Variants in DOCK3 observed in about 807,000 individuals in gnomAD.
The protein encoded by DOCK3 is dedicator of cytokinesis 3, also known as dedicator of cytokinesis protein 3.
Under a neutral mutation model 265.6 loss-of-function variants are expected in DOCK3, and 60 were observed. That is an observed-to-expected ratio of 0.23 (90% CI 0.18 to 0.28). The LOEUF (loss-of-function observed/expected upper bound fraction) is 0.28, where lower values mean the gene tolerates loss of function less well. DOCK3 is among the 10% of genes least tolerant of loss of function. DOCK3 has a pLI of 1.00. For missense variants in DOCK3, 1,981 were observed against 2,594.3 expected (o/e 0.76, Z 5.14); for synonymous variants, 881 against 938.0 (o/e 0.94, Z 1.11).
intron 1 of DOCK3, among the ~76,000 whole-genome samples, chr3:50,739,234 A>ATGTATCTGTGGTATG (rs2038852517): frequency 6.6e-6 from 1 of 152,210 alleles, no homozygotes. Flanking sequence ...TACCACAGAT[A>ATGTATCTGTGGTATG]CATACCCAGG....
At chr3:50,952,443 A>C (rs1482856387) in intron 5 of DOCK3, among the ~76,000 whole-genome samples, 1 of 152,332 alleles carries the variant, frequency 6.6e-6, no homozygotes, top group East Asian at 1.9e-4. Flanking sequence ...TTTCAAAGAA[A>C]GTAAATGTCT....
At chr3:51,075,997 T>C (rs1432666099) in intron 7 of DOCK3, among the ~76,000 whole-genome samples, 4 of 152,190 alleles carry the variant, frequency 2.6e-5, no homozygotes, top group Non-Finnish European at 5.9e-5. Context: ...GTGACAGTTA[T>C]GCTTAGACTA....
intron 40 of DOCK3, 77 bp downstream of exon 40, chr3:51,350,469 C>G: frequency 6.7e-7 from 1 of 1,491,234 alleles, no homozygotes. Flanking sequence ...CTTTTCTTCC[C>G]CTTTTTGCCT....
At chr3:51,356,693 T>C (rs1044819273) in intron 43 of DOCK3, among the ~76,000 whole-genome samples, 200 bp downstream of exon 43, 2 of 152,182 alleles carry the variant, frequency 1.3e-5, no homozygotes, top group African/African-American at 4.8e-5. Context: ...GCAGGTATTT[T>C]CAACCTCCTA....
intron 3 of DOCK3, among the ~76,000 whole-genome samples, chr3:50,884,391 G>A (rs1420293162): frequency 6.6e-6 from 1 of 152,092 alleles, no homozygotes; most frequent in East Asian, 1.9e-4. Context: ...ATGCCTGGCT[G>A]GATATATACC....
At chr3:50,859,523 G>T (rs1229392112) in intron 3 of DOCK3, among the ~76,000 whole-genome samples, 2 of 151,856 alleles carry the variant, frequency 1.3e-5, no homozygotes, top group East Asian at 1.9e-4. Flanking sequence ...GCCCGGTGTG[G>T]TTTTTTTGTA....
rs540062403 is a variant in DOCK3, at chr3:50,891,051, T to C, written c.218+970T>C. ...GAATATCAAATAGCTACTGTTGGTA[T>C]GTATAAAGAAGGTGGTAATGAGGCT... is the stretch of plus-strand genomic sequence containing the variant. On this transcript the variant is annotated intron_variant, in intron 4 of 52. Coordinates refer to ENST00000266037, the MANE Select transcript of DOCK3 (RefSeq NM_004947.5). Among the ~76,000 whole-genome samples, 11 of 152,182 alleles carry C rather than the reference T, an allele frequency of 7.2e-5. No individual in the cohort carries two copies. In the East Asian group the frequency reaches 1.9e-3, roughly 27 times the overall value.
At chr3:50,706,394 T>C (rs903865304) in intron 1 of DOCK3, among the ~76,000 whole-genome samples, 23 of 152,234 alleles carry the variant, frequency 1.5e-4, no homozygotes, top group African/African-American at 5.1e-4. Flanking sequence ...GGTTTTTTCT[T>C]TCAGTACTTT....
intron 4 of DOCK3, among the ~76,000 whole-genome samples, chr3:50,927,604 A>C (rs760496144): frequency 2.0e-5 from 3 of 152,214 alleles, no homozygotes; most frequent in Non-Finnish European, 4.4e-5. Flanking sequence ...GGAAATTTTA[A>C]AAAAGGCTAC....
chr3:50,958,595 C>T (rs1420614530), intron 5 of DOCK3, among the ~76,000 whole-genome samples: 1 of 152,166 alleles, frequency 6.6e-6, no homozygotes, highest in Non-Finnish European at 1.5e-5. Flanking sequence ...CAGTGCTGAG[C>T]ATAACAGAAG....
intron 2 of DOCK3, among the ~76,000 whole-genome samples, chr3:50,839,830 A>C (rs2045732127): frequency 6.8e-6 from 1 of 146,940 alleles, no homozygotes; most frequent in Non-Finnish European, 1.5e-5. Flanking sequence ...GTGCAGTGGC[A>C]CCATCTCAGC....
intron 2 of DOCK3, among the ~76,000 whole-genome samples, chr3:50,788,688 CGGCTGCTGGCCACAGTGCT>C (rs1158182085): frequency 6.6e-6 from 1 of 152,076 alleles, no homozygotes; most frequent in Non-Finnish European, 1.5e-5. Context: ...GACCTGGCCT[CGGCTGCTGGCCACAGTGCT>C]ATGTGGCCAC....
rs573148952 is a variant in DOCK3 at position 51,065,905 on chromosome 3, C to T, written c.464+1309C>T. ...GAGAGAGACCAAGATTAACAAAACA[C>T]CTGTACACAAAGAAAGTAACCTGTC... is the stretch of plus-strand genomic sequence containing the variant. On this transcript the variant is annotated intron_variant, in intron 6 of 52. Coordinates refer to ENST00000266037, the MANE Select transcript of DOCK3 (RefSeq NM_004947.5). 3.3e-5 allele frequency among the ~76,000 whole-genome samples: 5 copies of T among 152,204 alleles called. No homozygotes were observed. In the East Asian group the frequency reaches 9.7e-4, roughly 29 times the overall value.
At chr3:51,363,801 A>G (rs1302290303) in intron 49 of DOCK3, among the ~76,000 whole-genome samples, 11 of 152,206 alleles carry the variant, frequency 7.2e-5, no homozygotes. Context: ...CCATATCCCT[A>G]CAAAGGACAT....
chr3:50,880,131 A>C (rs1376897524), intron 3 of DOCK3, among the ~76,000 whole-genome samples: 2 of 152,234 alleles, frequency 1.3e-5, no homozygotes, highest in Non-Finnish European at 2.9e-5. Context: ...CATTTAAAGC[A>C]GTGTGTAGAG....
intron 4 of DOCK3, among the ~76,000 whole-genome samples, chr3:50,911,119 C>T (rs2049830968): frequency 6.6e-6 from 1 of 151,934 alleles, no homozygotes; most frequent in Non-Finnish European, 1.5e-5. Flanking sequence ...TGTCTTTTCA[C>T]TTTCTTGATT....
intron 4 of DOCK3, among the ~76,000 whole-genome samples, chr3:50,931,721 T>C (rs937211180): frequency 4.6e-5 from 7 of 152,230 alleles, no homozygotes; most frequent in Admixed American, 6.5e-5. Flanking sequence ...GCCATGCTGA[T>C]CACCACAATA....
At chr3:51,363,663 T>C (rs145641764) in intron 49 of DOCK3, among the ~76,000 whole-genome samples, 2 of 152,266 alleles carry the variant, frequency 1.3e-5, no homozygotes, top group African/African-American at 4.8e-5. Context: ...CAGGCCCCAG[T>C]GTGTGATGTT....
chr3:50,676,910 A>C (rs577484245), intron 1 of DOCK3, among the ~76,000 whole-genome samples: 1 of 152,328 alleles, frequency 6.6e-6, no homozygotes, highest in South Asian at 2.1e-4. Flanking sequence ...AATGCTTAAT[A>C]GTTTCTTCTT....
Sources: gnomAD v4.1 joint callset for allele counts (sites outside exome capture counted in the v4.1 genomes callset) on GRCh38, gnomAD v4.1.1 for gene constraint, MANE v1.5 for transcripts, NCBI Gene and HGNC (gene_info 2026-07-23, HGNC 2026-07-21) for gene names.